CPNE8: variants seen among roughly 807,000 people sequenced by gnomAD.
The protein encoded by CPNE8 is copine-8.
Under a neutral mutation model 81.5 loss-of-function variants are expected in CPNE8, and 45 were observed. That is an observed-to-expected ratio of 0.55 (90% confidence interval 0.44 to 0.71). The LOEUF (loss-of-function observed/expected upper bound fraction) is 0.71. Ranked by LOEUF, CPNE8 falls within the 30% of genes least tolerant of loss-of-function variation. CPNE8 has a pLI of 0.00. For missense variants in CPNE8, 594 were observed against 672.1 expected, an observed-to-expected ratio of 0.88 and a Z score of 1.28; for synonymous variants, 252 against 226.3, an observed-to-expected ratio of 1.11 and a Z score of -1.02.
At position 38,679,609 on chromosome 12, in the gene CPNE8, T is replaced by TA. The variant is rs1939367920; in HGVS notation, c.1272-2056dup. On this transcript the variant is annotated intron_variant, in intron 16 of 19. Coordinates refer to ENST00000331366, the MANE Select transcript of CPNE8 (RefSeq NM_153634.3). Reference sequence around the variant, plus strand: ...CTTTTAAGTTCTGTCCAATCCATTTTAGTCTTTATCACCTTCGGCACCACA... The same window carrying TA: ...CTTTTAAGTTCTGTCCAATCCATTTTAAGTCTTTATCACCTTCGGCACCACA... 3 of 985,006 alleles carry TA rather than the reference T, an allele frequency of 3.0e-6. No individual in the cohort carries two copies. The Admixed American group carries it at 1.8e-4, about 61-fold the overall frequency. 61.0% of individuals were successfully genotyped at this position (985,006 alleles called of 1,614,324 possible).
At chr12:38,821,434 C>A (rs1364754847) in intron 6 of CPNE8, among the ~76,000 whole-genome samples, 3 of 152,172 alleles carry the variant, frequency 2.0e-5, no homozygotes, top group Admixed American at 2.0e-4. Flanking sequence ...ATTATTTGCT[C>A]TATAAAGTTA....
At chr12:38,793,151 C>A (rs1216614863) in intron 6 of CPNE8, among the ~76,000 whole-genome samples, 1 of 151,638 alleles carries the variant, frequency 6.6e-6, no homozygotes, top group Non-Finnish European at 1.5e-5. Flanking sequence ...AGACTTTCCT[C>A]TAAGATCAAG....
intron 1 of CPNE8, among the ~76,000 whole-genome samples, chr12:38,889,395 T>A (rs1346406559): frequency 1.3e-5 from 2 of 152,156 alleles, no homozygotes; most frequent in Non-Finnish European, 2.9e-5. Context: ...GCCAAACTGT[T>A]CCTACCAGAG....
chr12:38,687,370 C>CTTTTT lies in CPNE8; in HGVS notation c.1144-1754_1144-1753insAAAAA, dbSNP rs35643732. On this transcript the variant is annotated intron_variant, in intron 15 of 19. Transcript: ENST00000331366. ...GCTACCAAATTACGAAATGCCAAGA[C>CTTTTT]TTTCTTTTTTTTTTTTTTTTTTTTT... Among the ~76,000 whole-genome samples the CTTTTT allele has an allele frequency of 1.2e-4, 11 of 95,528 alleles. 2 individuals are homozygous for CTTTTT. Among genetic ancestry groups the CTTTTT allele is most frequent in the East Asian group, 3.3e-4 (1 of 3,018 alleles). 62.7% of individuals were successfully genotyped at this position (95,528 alleles called of 152,430 possible). A position where few individuals can be genotyped will look rare whatever the true frequency, so the allele number is the denominator to read the frequency against.
intron 6 of CPNE8, among the ~76,000 whole-genome samples, chr12:38,795,199 T>C (rs950653938): frequency 3.9e-5 from 6 of 152,222 alleles, no homozygotes; most frequent in African/African-American, 1.4e-4. Flanking sequence ...AGACCACTTA[T>C]CGTGCAACTT....
At chr12:38,661,369 A>G (rs11559976) in intron 19 of CPNE8, among the ~76,000 whole-genome samples, 14,785 of 152,144 alleles carry the variant, frequency 0.097, 909 homozygotes, top group East Asian at 0.24. Context: ...CAGAAAACCA[A>G]ACACTGCATA....
chr12:38,776,100 T>C (rs1941929141), intron 7 of CPNE8, 138 bp downstream of exon 7: 1 of 374,206 alleles, frequency 2.7e-6, no homozygotes, highest in African/African-American at 2.1e-5. Flanking sequence ...GCTAAGTACC[T>C]AAAATGATAT....
chr12:38,821,152 A>T (rs572428388), intron 6 of CPNE8, among the ~76,000 whole-genome samples: 16 of 152,304 alleles, frequency 1.1e-4, no homozygotes, highest in East Asian at 3.9e-4. Context: ...TGACCTACAT[A>T]TTGTAGGTTA....
chr12:38,789,006 T>C (rs895104546), intron 6 of CPNE8, among the ~76,000 whole-genome samples: 10 of 151,886 alleles, frequency 6.6e-5, no homozygotes, highest in African/African-American at 2.4e-4. Flanking sequence ...ATAATTCAAA[T>C]TGTTAAAATG....
chr12:38,735,144 G>C (rs1161513762), intron 10 of CPNE8, among the ~76,000 whole-genome samples: 1 of 152,026 alleles, frequency 6.6e-6, no homozygotes, highest in Non-Finnish European at 1.5e-5. Context: ...TCTCTCATTT[G>C]TACTTCAGCG....
At chr12:38,805,974 C>A (rs976856644) in intron 6 of CPNE8, among the ~76,000 whole-genome samples, 3 of 150,142 alleles carry the variant, frequency 2.0e-5, no homozygotes, top group East Asian at 4.4e-4. Context: ...ACTACAAACA[C>A]CTCTACGCAA....
intron 13 of CPNE8, among the ~76,000 whole-genome samples, chr12:38,714,047 G>A (rs1940326590): frequency 6.6e-6 from 1 of 152,094 alleles, no homozygotes; most frequent in East Asian, 1.9e-4. Context: ...TACGGGGATG[G>A]GGAAGTGGAG....
At chr12:38,906,661 G>T (rs747836492), upstream of CPNE8, 7 of 960,286 alleles carry the variant, frequency 7.3e-6, no homozygotes, top group Non-Finnish European at 1.2e-6. Context: ...CAAGACTGGT[G>T]CCAAGACGGA....
chr12:38,881,141 C>G (rs1215242773), intron 1 of CPNE8, among the ~76,000 whole-genome samples: 1 of 149,910 alleles, frequency 6.7e-6, no homozygotes, highest in Non-Finnish European at 1.5e-5. Flanking sequence ...ACCCGGGAGG[C>G]GGAGCTTGCA....
At chr12:38,853,400 A>G (rs898931574) in intron 3 of CPNE8, among the ~76,000 whole-genome samples, 15 of 152,168 alleles carry the variant, frequency 9.9e-5, no homozygotes, top group African/African-American at 3.6e-4. Flanking sequence ...CAATAATACT[A>G]GATTATCAAA....
rs1201046218 is a variant in CPNE8, at chr12:38,762,139, C to G, written c.653G>C (p.Arg218Thr). 1 of 1,593,860 alleles carries G rather than the reference C, an allele frequency of 6.3e-7. No homozygotes were observed. The highest frequency in any genetic ancestry group is 1.7e-5 in the Admixed American group (1 of 58,180). The change falls in exon 9 of 20, where the codon AGA becomes ACA. Residue 218 changes from arginine (R) to threonine (T), a missense_variant. Physicochemically the swap from Arg to Thr is moderately conservative, Grantham distance 71. Transcript: ENST00000331366. Reference protein sequence around the residue: ...PVWQAFKISVRALCNGDYDRT... With the variant: ...PVWQAFKISVTALCNGDYDRT... ...GTCATAGTCTCCATTACATAATGCT[C>G]TGACTGAGATCTTGAATGCTTGCCA...
chr12:38,891,182 C>T (rs967030275), intron 1 of CPNE8, among the ~76,000 whole-genome samples: 8 of 151,938 alleles, frequency 5.3e-5, no homozygotes, highest in Admixed American at 3.9e-4. Context: ...CCACCCACCT[C>T]AGCCTCGCAA....
chr12:38,709,949 T>G (rs969542852), intron 13 of CPNE8, among the ~76,000 whole-genome samples: 1 of 152,120 alleles, frequency 6.6e-6, no homozygotes, highest in East Asian at 1.9e-4. Flanking sequence ...TCTGGATTCC[T>G]GGGGATCAGT....
At chr12:38,768,698 T>G (rs1207911930) in intron 7 of CPNE8, among the ~76,000 whole-genome samples, 3 of 147,304 alleles carry the variant, frequency 2.0e-5, no homozygotes, top group Non-Finnish European at 4.5e-5. Context: ...TTTTTTGTAT[T>G]TTTTTTTTTT....
Sources: gnomAD v4.1 joint callset for allele counts (sites outside exome capture counted in the v4.1 genomes callset) on GRCh38, gnomAD v4.1.1 for gene constraint, MANE v1.5 for transcripts, NCBI Gene and HGNC (gene_info 2026-07-23, HGNC 2026-07-21) for gene names.